Variants in GLI3 observed in about 807,000 individuals in gnomAD.
GLI3 encodes the protein transcription activator GLI3.
In GLI3, 20 loss-of-function variants were observed where a neutral mutation model predicts 100.8. That is an observed-to-expected ratio of 0.20 (90% CI 0.14 to 0.29). The LOEUF (loss-of-function observed/expected upper bound fraction) is 0.29, where lower values mean the gene tolerates loss of function less well. Ranked by LOEUF, GLI3 falls within the 10% of genes least tolerant of loss-of-function variation. The probability of loss-of-function intolerance (pLI) is 1.00; values close to 1 mark genes in which losing one functional copy is unlikely to be tolerated. For missense variants in GLI3, 2,040 were observed against 2,128.5 expected (o/e 0.96, Z 0.82); for synonymous variants, 938 against 860.5 (o/e 1.09, Z -1.58).
chr7:42,109,449 G>T (rs1300047839), intron 3 of GLI3, among the ~76,000 whole-genome samples: 1 of 152,184 alleles, frequency 6.6e-6, no homozygotes, highest in Non-Finnish European at 1.5e-5. Context: ...ATATGCACCA[G>T]AAAGCCTTGG....
chr7:42,178,511 AC>A (rs1487893708), intron 2 of GLI3, among the ~76,000 whole-genome samples: 3 of 151,882 alleles, frequency 2.0e-5, no homozygotes, highest in Non-Finnish European at 4.4e-5. Context: ...GGAACTCATC[AC>A]CCCCCTTCAA....
At chr7:42,028,674 G>A (rs1476603605) in intron 7 of GLI3, among the ~76,000 whole-genome samples, 2 of 152,154 alleles carry the variant, frequency 1.3e-5, no homozygotes, top group South Asian at 4.1e-4. Flanking sequence ...TGAGGCAGGA[G>A]AATCACTTGA....
chr7:42,068,618 G>C (rs76998018), intron 4 of GLI3, among the ~76,000 whole-genome samples: 1 of 152,098 alleles, frequency 6.6e-6, no homozygotes, highest in African/African-American at 2.4e-5. Flanking sequence ...GATTTTCCCC[G>C]GGGCAGGGAT....
Position 41,966,730 on chromosome 7 carries a change from G to T in GLI3, c.2432-89C>A. 7.6e-7 allele frequency: 1 copy of T among 1,317,406 alleles called. No individual in the cohort carries two copies. Among genetic ancestry groups the T allele is most frequent in the Non-Finnish European group, 1.1e-6 (1 of 921,824 alleles). The allele number at this position is 1,317,406 out of a possible 1,614,324, so 81.6% of individuals were successfully genotyped here. On this transcript the variant is annotated intron_variant, in intron 14 of 14. Coordinates refer to ENST00000395925, the MANE Select transcript of GLI3 (RefSeq NM_000168.6). The surrounding 1 kb of genome is among the most constrained non-coding windows in gnomAD (Gnocchi z 5.8). ...GGCATGAGCAACCCTTTTCTGTAAA[G>T]GGCCAGCTAGGAACTATTTCTGGTG...
At chr7:42,183,790 C>G (rs1280451414) in intron 2 of GLI3, among the ~76,000 whole-genome samples, 2 of 152,214 alleles carry the variant, frequency 1.3e-5, no homozygotes, top group Non-Finnish European at 2.9e-5. Context: ...CTCTTCAGAG[C>G]TGGACCGTCA....
chr7:42,246,805 CTTTTTTTTTTTTTTTT>C, intron 1 of GLI3, among the ~76,000 whole-genome samples: 1 of 94,970 alleles, frequency 1.1e-5, no homozygotes, highest in South Asian at 3.8e-4. Flanking sequence ...ATGATAGAAT[CTTTTTTTTTTTTTTTT>C]TTTTTTTTTT....
rs756617411 is a variant in GLI3 at position 42,223,186 on chromosome 7, C to T, written c.68G>A (p.Cys23Tyr). The T allele has an allele frequency of 2.5e-6, 4 of 1,613,842 alleles. No individual in the cohort carries two copies. The highest frequency in any genetic ancestry group is 3.4e-6 in the Non-Finnish European group (4 of 1,179,766). The stretch of plus-strand genomic sequence containing the variant: ...CTCGCTCACATCTGTTCGAGTGGAG[C>T]ACTTCACTATGGAATTCTCAACTTT... The part of the protein sequence containing the change: ...KKKVENSIVK[C>Y]STRTDVSEKA... Residue 23 changes from cysteine (C) to tyrosine (Y), a missense_variant, in exon 2 of 15, where the codon TGC becomes TAC. Coordinates refer to ENST00000395925, the MANE Select transcript of GLI3 (RefSeq NM_000168.6).
intron 1 of GLI3, among the ~76,000 whole-genome samples, chr7:42,231,751 T>G (rs1324669426): frequency 1.3e-5 from 2 of 152,200 alleles, no homozygotes; most frequent in African/African-American, 4.8e-5. Flanking sequence ...AAATCAATAA[T>G]AGGGCTTAAC....
intron 1 of GLI3, among the ~76,000 whole-genome samples, chr7:42,226,060 C>A (rs2128703667): frequency 6.6e-6 from 1 of 152,310 alleles, no homozygotes; most frequent in East Asian, 1.9e-4. Context: ...TGAAAACTGG[C>A]AAATTCTATA....
intron 1 of GLI3, among the ~76,000 whole-genome samples, chr7:42,231,398 A>G (rs552476329): frequency 6.6e-6 from 1 of 152,332 alleles, no homozygotes; most frequent in African/African-American, 2.4e-5. Flanking sequence ...AAATTACCCC[A>G]TGGTCCACTT....
chr7:42,176,481 A>T (rs1399333802), intron 2 of GLI3, among the ~76,000 whole-genome samples: 1 of 152,064 alleles, frequency 6.6e-6, no homozygotes, highest in Admixed American at 6.5e-5. Context: ...CTGCAGTCAG[A>T]AGAACAAGAC....
rs200965852 is a variant in GLI3, at chr7:41,966,058, G to A, written c.3015C>T (p.Ala1005=). 467 of 1,581,760 alleles carry A rather than the reference G, an allele frequency of 3.0e-4. 4 individuals are homozygous for A. In the East Asian group the frequency reaches 9.8e-3, roughly 33 times the overall value. ...CGGAGCCTGTCCGCACCGGGTCGCT[G>A]GCCCTCCTCACGCCGTGGCCCGGCG... ...HDAPGHGVRR[A]SDPVRTGSEG... Residue 1005 remains alanine, a synonymous_variant, in exon 15 of 15, where the codon GCC becomes GCT. Coordinates refer to ENST00000395925, the MANE Select transcript of GLI3 (RefSeq NM_000168.6). This position sits in a 1 kb window ranked among gnomAD's most constrained non-coding sequence, Gnocchi z 5.8.
At chr7:42,182,070 G>A (rs746298909) in intron 2 of GLI3, among the ~76,000 whole-genome samples, 1 of 152,028 alleles carries the variant, frequency 6.6e-6, no homozygotes, top group African/African-American at 2.4e-5. Flanking sequence ...TTTACAACGG[G>A]CCTCCAAGAG....
intron 1 of GLI3, among the ~76,000 whole-genome samples, chr7:42,261,810 T>G (rs890325408): frequency 6.6e-6 from 1 of 152,074 alleles, no homozygotes; most frequent in African/African-American, 2.4e-5. Context: ...AAAAGTGAGT[T>G]GAAGTCTGGG....
At chr7:42,070,645 T>C (rs541290280) in intron 4 of GLI3, among the ~76,000 whole-genome samples, 1 of 152,234 alleles carries the variant, frequency 6.6e-6, no homozygotes, top group Non-Finnish European at 1.5e-5. Context: ...ATAAAGTCTT[T>C]AATATTGTGC....
chr7:42,238,778 AAAAG>A (rs1788889171), upstream of GLI3, among the ~76,000 whole-genome samples: 1 of 152,210 alleles, frequency 6.6e-6, no homozygotes, highest in African/African-American at 2.4e-5. Flanking sequence ...CACAGGAAGA[AAAAG>A]AAAGAAAAGA....
Position 42,148,457 on chromosome 7 carries a change from G to A in GLI3, c.136C>T (p.Pro46Ser). 1 of 1,613,698 alleles carries A rather than the reference G, an allele frequency of 6.2e-7. No homozygotes were observed. The highest frequency in any genetic ancestry group is 8.5e-7 in the Non-Finnish European group (1 of 1,179,652). ...SSTTSNEDES[P>S]GQTYHRERRN... is the part of the protein sequence containing the mutation. Reference sequence around the variant, plus strand: ...CTCTCTCTGTGATAAGTCTGTCCAGGACTTTCATCCTCTAAAGAAAGAAGA... The same window carrying A: ...CTCTCTCTGTGATAAGTCTGTCCAGAACTTTCATCCTCTAAAGAAAGAAGA... The change falls in exon 3 of 15, where the codon CCT becomes TCT. Residue 46 changes from proline to serine, a missense_variant. Coordinates refer to ENST00000395925, the MANE Select transcript of GLI3 (RefSeq NM_000168.6).
At chr7:42,140,678 A>G (rs56743880) in intron 3 of GLI3, among the ~76,000 whole-genome samples, 4,051 of 152,320 alleles carry the variant, frequency 0.027, 133 homozygotes, top group African/African-American at 0.08. Flanking sequence ...GCACACAGAG[A>G]AAAATCAAGC....
In GLI3 at chr7:41,980,171, C is replaced by T. The variant is rs1001270752; in HGVS notation, c.1498-1423G>A. 2.0e-5 allele frequency among the ~76,000 whole-genome samples: 3 copies of T among 152,192 alleles called. No homozygotes were observed. In the East Asian group the frequency reaches 5.8e-4, roughly 29 times the overall value. On this transcript the variant is annotated intron_variant, in intron 10 of 14. Transcript: ENST00000395925. ...CACAAGAAGAGAGCCAATGTCCCGT[C>T]AGTAGCTCCAAAAATGACACAGAAA...
Sources: gnomAD v4.1 joint callset for allele counts (sites outside exome capture counted in the v4.1 genomes callset) on GRCh38, gnomAD v4.1.1 for gene constraint, Gnocchi (gnomAD v3.1) non-coding constraint, MANE v1.5 for transcripts, NCBI Gene and HGNC (gene_info 2026-07-23, HGNC 2026-07-21) for gene names.